Variants in SEMA4D observed in about 807,000 individuals in gnomAD.
SEMA4D encodes the protein semaphorin 4D.
SEMA4D carries 22 observed loss-of-function variants against 74.8 expected under a neutral mutation model. That is an observed-to-expected ratio of 0.29 (90% CI 0.21 to 0.42). The LOEUF (loss-of-function observed/expected upper bound fraction) is 0.42. Ranked by LOEUF, SEMA4D falls within the 10% of genes least tolerant of loss-of-function variation. The probability of loss-of-function intolerance (pLI) is 1.00; values close to 1 mark genes in which losing one functional copy is unlikely to be tolerated. For synonymous variants in SEMA4D, 445 were observed against 463.7 expected (o/e 0.96, Z 0.52); for missense variants, 937 against 1,118.4 (o/e 0.84, Z 2.31).
chr9:89,466,762 T>A (rs1858836844), intron 1 of SEMA4D, among the ~76,000 whole-genome samples: 1 of 152,220 alleles, frequency 6.6e-6, no homozygotes, highest in Admixed American at 6.5e-5. Context: ...GTTGTCCTTG[T>A]GTGCAGCAGG....
chr9:89,435,932 A>C (rs569186413), intron 2 of SEMA4D, among the ~76,000 whole-genome samples: 1 of 152,364 alleles, frequency 6.6e-6, no homozygotes, highest in East Asian at 1.9e-4. Flanking sequence ...TGCATGCTGA[A>C]TTGGCTGCCC....
Position 89,379,738 on chromosome 9 carries a change from C to CA in SEMA4D, c.1664-110dup. The CA allele has an allele frequency of 2.3e-6, 3 of 1,284,796 alleles. No homozygotes were observed. The South Asian group carries it at 4.3e-5, about 19-fold the overall frequency. 79.6% of individuals were successfully genotyped at this position (1,284,796 alleles called of 1,614,324 possible). ...GCAAGAGTTTCACCCACTGTAGCAA[C>CA]ATGGAATCTTCCAGAACAACTAAGG... On this transcript the variant is annotated intron_variant, in intron 15 of 15. Coordinates refer to ENST00000422704, the MANE Select transcript of SEMA4D (RefSeq NM_001371194.2).
Position 89,465,777 on chromosome 9 carries a change from G to A in SEMA4D, c.-309-9824C>T, listed in dbSNP as rs143800583. ...GACAAGGATTATTTGCATTGCCTTC[G>A]GATATCTATGACTTACAGAGCTGTA... On this transcript the variant is annotated intron_variant, in intron 1 of 15. Coordinates refer to ENST00000422704, the MANE Select transcript of SEMA4D (RefSeq NM_001371194.2). Among the ~76,000 whole-genome samples, 266 of 152,328 alleles carry A rather than the reference G, an allele frequency of 1.7e-3. 1 individual carries two copies. Among genetic ancestry groups the A allele is most frequent in the African/African-American group, 6.1e-3 (255 of 41,568 alleles).
intron 2 of SEMA4D, among the ~76,000 whole-genome samples, chr9:89,414,478 C>T (rs568600979): frequency 2.8e-4 from 43 of 152,268 alleles, no homozygotes; most frequent in African/African-American, 7.7e-4. Context: ...CAGAAGACAC[C>T]ACAGCCCTCA....
rs1842532210 is a variant in SEMA4D at position 89,402,989 on chromosome 9, G to A, written c.134C>T (p.Pro45Leu). 2.5e-6 allele frequency: 4 copies of A among 1,612,242 alleles called. No homozygotes were observed. Among genetic ancestry groups the A allele is most frequent in the Non-Finnish European group, 3.4e-6 (4 of 1,178,310 alleles). The change falls in exon 4 of 16, where the codon CCA becomes CTA. Residue 45 changes from proline to leucine, a missense_variant. Transcript: ENST00000422704. ...REVHLVQFHEPDIYNYSALLL... is the reference protein window; with the variant it reads ...REVHLVQFHELDIYNYSALLL... ...CAAGGCTGAGTAGTTGTAGATGTCT[G>A]GCTCATGAAACTGCACCAGGTGCAC...
chr9:89,454,688 T>C (rs1329377851), intron 2 of SEMA4D, among the ~76,000 whole-genome samples: 1 of 152,232 alleles, frequency 6.6e-6, no homozygotes, highest in East Asian at 1.9e-4. Flanking sequence ...TGTCCCACGG[T>C]GACGGCAGGG....
At chr9:89,450,421 A>C (rs1010953503) in intron 2 of SEMA4D, 24 of 1,338,880 alleles carry the variant, frequency 1.8e-5, no homozygotes, top group Non-Finnish European at 2.4e-5. Context: ...GATGAGAAGA[A>C]GGCTTGGATG....
intron 1 of SEMA4D, among the ~76,000 whole-genome samples, chr9:89,467,665 G>A (rs746001762): frequency 2.6e-5 from 4 of 151,850 alleles, no homozygotes; most frequent in Non-Finnish European, 5.9e-5. Flanking sequence ...CCAAGTAGCT[G>A]GGATTGTAGG....
At chr9:89,363,070 G>C (rs1324257899) in intron 18 of SEMA4D, among the ~76,000 whole-genome samples, 1 of 152,214 alleles carries the variant, frequency 6.6e-6, no homozygotes, top group Non-Finnish European at 1.5e-5. Context: ...TTCCCCATCT[G>C]TCCAGGTTTC....
At chr9:89,382,544 A>G (rs753959832) in intron 13 of SEMA4D, among the ~76,000 whole-genome samples, 9 of 152,190 alleles carry the variant, frequency 5.9e-5, no homozygotes, top group African/African-American at 1.4e-4. Context: ...AACTGTGATA[A>G]TACACAGCAG....
intron 2 of SEMA4D, among the ~76,000 whole-genome samples, chr9:89,411,292 G>C (rs2133928246): frequency 1.3e-5 from 2 of 152,310 alleles, no homozygotes; most frequent in Admixed American, 1.3e-4. Context: ...CCCATGAATG[G>C]AAATGTAACC....
rs554588053 is a variant in SEMA4D at position 89,461,302 on chromosome 9, T to G, written c.-309-5349A>C. Reference sequence around the variant, plus strand: ...ACCTTACAAGGGTACCTCTTAGCTATCAGCAACGAGCAGAAATTGGGACCG... The same window carrying G: ...ACCTTACAAGGGTACCTCTTAGCTAGCAGCAACGAGCAGAAATTGGGACCG... On this transcript the variant is annotated intron_variant, in intron 1 of 15. Transcript: ENST00000422704. 1.1e-4 allele frequency among the ~76,000 whole-genome samples: 16 copies of G among 152,244 alleles called. No individual in the cohort carries two copies. The East Asian group carries it at 3.1e-3, about 29-fold the overall frequency.
At chr9:89,363,716 A>G in intron 17 of SEMA4D, 2 of 1,606,926 alleles carry the variant, frequency 1.2e-6, no homozygotes, top group Non-Finnish European at 1.7e-6. Context: ...ATAAAAGGGT[A>G]ACAGTGGGCA....
chr9:89,469,956 T>C (rs1859761659), intron 1 of SEMA4D, among the ~76,000 whole-genome samples: 1 of 152,086 alleles, frequency 6.6e-6, no homozygotes, highest in Non-Finnish European at 1.5e-5. Flanking sequence ...AAGAATGAAA[T>C]AAAATGGACT....
chr9:89,427,787 G>T (rs1289762390), intron 2 of SEMA4D, among the ~76,000 whole-genome samples: 2 of 152,210 alleles, frequency 1.3e-5, no homozygotes, highest in Non-Finnish European at 2.9e-5. Flanking sequence ...CGAGCAGTGT[G>T]TCACCTTCCA....
At chr9:89,480,373 G>T (rs983964856) in intron 1 of SEMA4D, among the ~76,000 whole-genome samples, 1 of 152,162 alleles carries the variant, frequency 6.6e-6, no homozygotes, top group South Asian at 2.1e-4. Context: ...ATCCCGCACC[G>T]GGGCTGCAGG....
At chr9:89,368,756 C>T (rs973417953) in intron 16 of SEMA4D, 4 of 152,358 alleles carry the variant, frequency 2.6e-5, no homozygotes, top group Non-Finnish European at 4.4e-5. Context: ...CCAGCCCCAG[C>T]GCTTCTGGAA....
rs183748236 is a variant in SEMA4D at position 89,482,058 on chromosome 9, C to T, written c.-310+15861G>A. Among the ~76,000 whole-genome samples, 4 of 152,290 alleles carry T rather than the reference C, an allele frequency of 2.6e-5. No homozygotes were observed. The East Asian group carries it at 7.7e-4, about 29-fold the overall frequency. Reference sequence around the variant, plus strand: ...GCAGGGAGAGGGGTCACCGCCCAGACGGGTGAGGGGATCCACTGCAAAGTA... The same window carrying T: ...GCAGGGAGAGGGGTCACCGCCCAGATGGGTGAGGGGATCCACTGCAAAGTA... On this transcript the variant is annotated intron_variant, in intron 1 of 15. Coordinates refer to ENST00000422704, the MANE Select transcript of SEMA4D (RefSeq NM_001371194.2).
intron 1 of SEMA4D, among the ~76,000 whole-genome samples, chr9:89,478,306 A>G (rs551794701): frequency 6.6e-6 from 1 of 152,290 alleles, no homozygotes; most frequent in Admixed American, 6.5e-5. Flanking sequence ...ATACACTCAG[A>G]GGGAAAGACA....
Sources: gnomAD v4.1 joint callset for allele counts (sites outside exome capture counted in the v4.1 genomes callset) on GRCh38, gnomAD v4.1.1 for gene constraint, MANE v1.5 for transcripts, NCBI Gene and HGNC (gene_info 2026-07-23, HGNC 2026-07-21) for gene names.